EHBP1: variants seen among roughly 807,000 people sequenced by gnomAD.
EHBP1 encodes EH domain binding protein 1, also known as EH domain-binding protein 1.
Under a neutral mutation model 144.0 loss-of-function variants are expected in EHBP1, and 55 were observed. The observed-to-expected ratio is 0.38, with a 90% CI of 0.31 to 0.48. The LOEUF is 0.48. Among genes scored for constraint, EHBP1 ranks in the 20% least tolerant of loss-of-function variants. The pLI is 0.98. For synonymous variants in EHBP1, 469 were observed against 472.7 expected, an observed-to-expected ratio of 0.99 and a Z score of 0.10; for missense variants, 1,200 against 1,364.2, an observed-to-expected ratio of 0.88 and a Z score of 1.90.
chr2:62,757,877 A>G (rs530661288), intron 3 of EHBP1, among the ~76,000 whole-genome samples: 16 of 152,246 alleles, frequency 1.1e-4, no homozygotes, highest in Admixed American at 4.6e-4. Context: ...ATAAAATAAT[A>G]GGACGCCTTC....
intron 19 of EHBP1, among the ~76,000 whole-genome samples, chr2:63,016,623 G>T (rs1212035691): frequency 3.3e-5 from 5 of 152,036 alleles, no homozygotes; most frequent in Non-Finnish European, 7.4e-5. Context: ...TAGAGATGGG[G>T]TTTCATCATG....
chr2:62,683,332 T>C (rs1180127218), intron 1 of EHBP1, among the ~76,000 whole-genome samples: 1 of 152,218 alleles, frequency 6.6e-6, no homozygotes, highest in African/African-American at 2.4e-5. Flanking sequence ...GCTTGGGTCA[T>C]GTGCCCTTTC....
chr2:63,000,736 A>G (rs966956294), intron 19 of EHBP1, among the ~76,000 whole-genome samples: 2 of 152,106 alleles, frequency 1.3e-5, no homozygotes, highest in African/African-American at 4.8e-5. Context: ...ATTTCAAGGC[A>G]TAGTATTTTC....
intron 10 of EHBP1, among the ~76,000 whole-genome samples, chr2:62,909,733 GT>G (rs1416000914): frequency 2.0e-5 from 3 of 151,902 alleles, no homozygotes; most frequent in Non-Finnish European, 4.4e-5. Context: ...CTCAGAATAT[GT>G]TTTTCATTTT....
intron 12 of EHBP1, 108 bp downstream of exon 12, chr2:62,943,958 T>C: frequency 5.7e-6 from 4 of 697,034 alleles, no homozygotes; most frequent in Non-Finnish European, 9.6e-6. Flanking sequence ...TAACTACAAC[T>C]CACAGAGGGT....
At chr2:63,029,703 A>AT (rs1355069347) in intron 19 of EHBP1, among the ~76,000 whole-genome samples, 2 of 152,076 alleles carry the variant, frequency 1.3e-5, no homozygotes, top group South Asian at 2.1e-4. Context: ...AAGGGGCTCA[A>AT]TTTTTTTTAA....
intron 2 of EHBP1, among the ~76,000 whole-genome samples, chr2:62,714,818 G>A (rs1395221504): frequency 6.6e-6 from 1 of 152,168 alleles, no homozygotes; most frequent in Non-Finnish European, 1.5e-5. Flanking sequence ...GGAGTGACCA[G>A]GGAGGTAGGA....
chr2:62,806,762 A>G (rs1021943347), intron 5 of EHBP1, among the ~76,000 whole-genome samples: 1 of 150,968 alleles, frequency 6.6e-6, no homozygotes, highest in Non-Finnish European at 1.5e-5. Flanking sequence ...TTTGGCTTTT[A>G]GTTCCCCCAG....
At position 62,689,689 on chromosome 2, in the gene EHBP1, A is replaced by T. The variant is rs1471239823; in HGVS notation, c.-296+15606A>T. Among the ~76,000 whole-genome samples the T allele has an allele frequency of 2.6e-5, 4 of 152,198 alleles. No individual in the cohort carries two copies. In the South Asian group the frequency reaches 6.2e-4, roughly 24 times the overall value. Reference sequence around the variant, plus strand: ...TCAAAATAATAATAATAATAATTTTAAAAATTGTGTCTATTTTCATTAACA... The same window carrying T: ...TCAAAATAATAATAATAATAATTTTTAAAATTGTGTCTATTTTCATTAACA... On this transcript the variant is annotated intron_variant, in intron 1 of 22. Transcript: ENST00000405015.
At chr2:62,685,381 A>C (rs1054267809) in intron 1 of EHBP1, among the ~76,000 whole-genome samples, 14 of 152,148 alleles carry the variant, frequency 9.2e-5, no homozygotes, top group Admixed American at 5.2e-4. Context: ...TCTGAGGGTT[A>C]TGAGGGAGAG....
intron 14 of EHBP1, among the ~76,000 whole-genome samples, chr2:62,956,304 A>C (rs1467265340): frequency 6.6e-6 from 1 of 152,180 alleles, no homozygotes; most frequent in East Asian, 1.9e-4. Context: ...ATTTAGGAGG[A>C]CACAAACATC....
At chr2:62,969,836 T>C (rs2058417805) in intron 14 of EHBP1, among the ~76,000 whole-genome samples, 1 of 152,186 alleles carries the variant, frequency 6.6e-6, no homozygotes, top group South Asian at 2.1e-4. Flanking sequence ...TGTGGCCATT[T>C]ATAAGCATGT....
intron 15 of EHBP1, among the ~76,000 whole-genome samples, chr2:62,983,022 C>G (rs12053102): frequency 1.3e-5 from 2 of 152,292 alleles, no homozygotes; most frequent in East Asian, 3.9e-4. Context: ...TCCTAGCAGC[C>G]ATAGCCTAGC....
chr2:62,739,224 A>G (rs2038449615), intron 2 of EHBP1, among the ~76,000 whole-genome samples: 1 of 152,164 alleles, frequency 6.6e-6, no homozygotes, highest in Admixed American at 6.5e-5. Context: ...GTTCTCAGTA[A>G]ATGCTTTTTG....
intron 5 of EHBP1, among the ~76,000 whole-genome samples, chr2:62,786,332 A>G (rs990156260): frequency 1.3e-5 from 2 of 152,104 alleles, no homozygotes; most frequent in Non-Finnish European, 2.9e-5. Context: ...TGGCAGCTAA[A>G]GACTTCAAGA....
chr2:62,830,153 G>GACACACACACACACAC (rs368948717), intron 6 of EHBP1, among the ~76,000 whole-genome samples: 14 of 132,164 alleles, frequency 1.1e-4, no homozygotes, highest in Admixed American at 2.4e-4. Flanking sequence ...TATATATATA[G>GACACACACACACACAC]ACACACACAC....
At chr2:62,780,000 A>G (rs1391006824) in intron 5 of EHBP1, among the ~76,000 whole-genome samples, 5 of 152,146 alleles carry the variant, frequency 3.3e-5, no homozygotes, top group Non-Finnish European at 5.9e-5. Context: ...TTCTATAAAT[A>G]ATGAAGTCCA....
In EHBP1 at chr2:63,037,530, T is replaced by G. The variant is rs537391991; in HGVS notation, c.3104-5T>G. 5 of 1,595,720 alleles carry G rather than the reference T, an allele frequency of 3.1e-6. No homozygotes were observed. In the Admixed American group the frequency reaches 5.2e-5, roughly 16 times the overall value. On this transcript the variant is annotated splice_region_variant and splice_polypyrimidine_tract_variant and intron_variant, in intron 19 of 22. Transcript: ENST00000431489. Reference sequence around the variant, plus strand: ...TAGTAAAAGGTAACTCTTCCCGAATTATAGGAAGGAACACAGAAGAAGAAG... The same window carrying G: ...TAGTAAAAGGTAACTCTTCCCGAATGATAGGAAGGAACACAGAAGAAGAAG...
intron 20 of EHBP1, 85 bp from the exon 21 acceptor site, chr2:63,038,658 C>T: frequency 7.7e-7 from 1 of 1,294,662 alleles, no homozygotes; most frequent in Non-Finnish European, 1.1e-6. Context: ...GTTATGAGTC[C>T]TAAAATCAAT....
Sources: gnomAD v4.1 joint callset for allele counts (sites outside exome capture counted in the v4.1 genomes callset) on GRCh38, gnomAD v4.1.1 for gene constraint, MANE v1.5 for transcripts, NCBI Gene and HGNC (gene_info 2026-07-23, HGNC 2026-07-21) for gene names.